Variants in PCDH7 observed in about 807,000 individuals in gnomAD.
The protein encoded by PCDH7 is protocadherin 7.
PCDH7 carries 17 observed loss-of-function variants against 58.9 expected under a neutral mutation model. The observed-to-expected ratio is 0.29, with a 90% CI of 0.20 to 0.43. PCDH7 has a LOEUF of 0.43. Ranked by LOEUF, PCDH7 falls within the 20% of genes least tolerant of loss-of-function variation. The probability of loss-of-function intolerance (pLI) is 1.00; values close to 1 mark genes in which losing one functional copy is unlikely to be tolerated. For synonymous variants in PCDH7, 664 were observed against 616.4 expected (o/e 1.08, Z -1.14); for missense variants, 1,274 against 1,441.0 (o/e 0.88, Z 1.88).
intron 3 of PCDH7, among the ~76,000 whole-genome samples, chr4:31,078,363 A>T (rs572689606): frequency 2.0e-5 from 3 of 152,112 alleles, no homozygotes; most frequent in African/African-American, 7.2e-5. Flanking sequence ...GCTCATTGTA[A>T]CCTCAAACTT....
At chr4:30,968,375 A>ATATATAGTGT (rs1560541525) in intron 3 of PCDH7, among the ~76,000 whole-genome samples, 53 of 71,720 alleles carry the variant, frequency 7.4e-4, no homozygotes, top group African/African-American at 2.7e-3. Flanking sequence ...ATATACACAC[A>ATATATAGTGT]CTATATATAT....
intron 3 of PCDH7, among the ~76,000 whole-genome samples, chr4:31,060,373 A>G (rs1757593676): frequency 6.6e-6 from 1 of 151,768 alleles, no homozygotes. Context: ...TTTATTTCTT[A>G]CATTTCTGAA....
intron 1 of PCDH7, among the ~76,000 whole-genome samples, chr4:30,756,774 CT>C (rs1244861889): frequency 6.6e-6 from 1 of 152,218 alleles, no homozygotes; most frequent in African/African-American, 2.4e-5. Context: ...CATGTACCAA[CT>C]TCTTCACAGC....
At chr4:31,134,112 G>A (rs991543633) in intron 3 of PCDH7, among the ~76,000 whole-genome samples, 1 of 152,052 alleles carries the variant, frequency 6.6e-6, no homozygotes. Flanking sequence ...TCTGTTATAA[G>A]CATTGTACTT....
At chr4:30,879,613 T>C (rs1736708995) in intron 1 of PCDH7, among the ~76,000 whole-genome samples, 1 of 152,164 alleles carries the variant, frequency 6.6e-6, no homozygotes, top group South Asian at 2.1e-4. Flanking sequence ...TGGATTATGC[T>C]TCCTCACAGG....
intron 3 of PCDH7, among the ~76,000 whole-genome samples, chr4:30,958,542 C>G (rs1285612207): frequency 6.6e-6 from 1 of 151,590 alleles, no homozygotes; most frequent in Non-Finnish European, 1.5e-5. Flanking sequence ...CTTAACAATC[C>G]ACTTTTAGTT....
At chr4:31,104,025 C>T (rs1304339188) in intron 3 of PCDH7, among the ~76,000 whole-genome samples, 1 of 152,198 alleles carries the variant, frequency 6.6e-6, no homozygotes, top group African/African-American at 2.4e-5. Context: ...CCACTCCATT[C>T]CTTGGTGGTC....
chr4:30,872,019 G>A (rs1368545427), intron 1 of PCDH7, among the ~76,000 whole-genome samples: 1 of 151,910 alleles, frequency 6.6e-6, no homozygotes, highest in Non-Finnish European at 1.5e-5. Context: ...AATCTCCTCT[G>A]GCCTTTATTA....
intron 3 of PCDH7, among the ~76,000 whole-genome samples, chr4:31,053,324 C>G (rs568943138): frequency 2.6e-5 from 4 of 152,224 alleles, no homozygotes; most frequent in Non-Finnish European, 5.9e-5. Context: ...CATCCTGTCC[C>G]CCAAACATAA....
intron 1 of PCDH7, among the ~76,000 whole-genome samples, chr4:30,899,810 A>C (rs1423971352): frequency 2.0e-5 from 3 of 151,926 alleles, no homozygotes; most frequent in African/African-American, 7.3e-5. Context: ...AATCCTACGC[A>C]TTGGGTCTTG....
At chr4:30,815,251 A>G (rs1460674703) in intron 1 of PCDH7, among the ~76,000 whole-genome samples, 1 of 152,044 alleles carries the variant, frequency 6.6e-6, no homozygotes, top group Non-Finnish European at 1.5e-5. Flanking sequence ...TGGGTCTGCA[A>G]CAACTGGATT....
intron 3 of PCDH7, among the ~76,000 whole-genome samples, chr4:31,108,339 C>T (rs1715837898): frequency 3.7e-5 from 3 of 80,198 alleles, no homozygotes; most frequent in South Asian, 4.0e-4. Flanking sequence ...AGAGCAATGA[C>T]TATAGTAGAC....
intron 1 of PCDH7, among the ~76,000 whole-genome samples, chr4:30,860,290 G>T (rs1198620847): frequency 6.6e-6 from 1 of 152,070 alleles, no homozygotes; most frequent in African/African-American, 2.4e-5. Flanking sequence ...TTCCTAAGGG[G>T]ATAAAAGAAT....
At chr4:31,041,673 T>A (rs1755875651) in intron 3 of PCDH7, among the ~76,000 whole-genome samples, 1 of 152,094 alleles carries the variant, frequency 6.6e-6, no homozygotes, top group Non-Finnish European at 1.5e-5. Flanking sequence ...TTATTTACAT[T>A]TTCATTAGGG....
At chr4:31,145,252 A>G (rs1720602036), downstream of PCDH7, 1 of 152,008 alleles carries the variant, frequency 6.6e-6, no homozygotes, top group African/African-American at 2.4e-5. Context: ...TAACTCGTGA[A>G]CCTCTCTTTA....
chr4:31,092,627 C>T (rs1300708259), intron 3 of PCDH7, among the ~76,000 whole-genome samples: 2 of 151,996 alleles, frequency 1.3e-5, no homozygotes, highest in Admixed American at 1.3e-4. Context: ...CATACATTTC[C>T]AGGAATTCCA....
chr4:30,830,258 T>C (rs1177039800), intron 1 of PCDH7, among the ~76,000 whole-genome samples: 1 of 152,108 alleles, frequency 6.6e-6, no homozygotes. Flanking sequence ...TTGAATCTTG[T>C]TAATGTATGC....
chr4:30,750,545 G>C (rs1300009581), intron 1 of PCDH7, among the ~76,000 whole-genome samples: 1 of 152,110 alleles, frequency 6.6e-6, no homozygotes, highest in Non-Finnish European at 1.5e-5. Context: ...TCATCTATAC[G>C]CAGAGGGAAA....
At chr4:30,945,934 T>C (rs1213682306) in intron 2 of PCDH7, among the ~76,000 whole-genome samples, 5 of 152,138 alleles carry the variant, frequency 3.3e-5, no homozygotes, top group African/African-American at 4.8e-5. Context: ...ATGGACATTA[T>C]GATTATTAAA....
Sources: gnomAD v4.1 joint callset for allele counts (sites outside exome capture counted in the v4.1 genomes callset) on GRCh38, gnomAD v4.1.1 for gene constraint, MANE v1.5 for transcripts, NCBI Gene and HGNC (gene_info 2026-07-23, HGNC 2026-07-21) for gene names.